DENND4C: variants seen among roughly 807,000 people sequenced by gnomAD.
DENND4C encodes the protein DENN domain-containing protein 4C.
Under a neutral mutation model 203.0 loss-of-function variants are expected in DENND4C, and 108 were observed. That is an observed-to-expected ratio of 0.53 (90% CI 0.46 to 0.62). The LOEUF (loss-of-function observed/expected upper bound fraction) is 0.62. Ranked by LOEUF, DENND4C falls within the 20% of genes least tolerant of loss-of-function variation. The pLI, the probability that DENND4C is intolerant of heterozygous loss-of-function variation, is 0.00. For missense variants in DENND4C, 2,481 were observed against 2,301.2 expected, an observed-to-expected ratio of 1.08 and a Z score of -1.60; for synonymous variants, 871 against 792.4, an observed-to-expected ratio of 1.10 and a Z score of -1.67.
In DENND4C at chr9:19,288,574, A is replaced by C. The variant is rs186983356; in HGVS notation, c.559-22A>C. 340 of 1,225,012 alleles carry C rather than the reference A, an allele frequency of 2.8e-4. No individual in the cohort carries two copies. The African/African-American group carries it at 3.6e-3, about 13-fold the overall frequency. The allele number at this position is 1,225,012 out of a possible 1,614,324, so 75.9% of individuals were successfully genotyped here. A position where few individuals can be genotyped will look rare whatever the true frequency, so the allele number is the denominator to read the frequency against. On this transcript the variant is annotated intron_variant, in intron 3 of 32. Coordinates refer to ENST00000434457, the MANE Select transcript of DENND4C (RefSeq NM_001330640.2). ...CTTTTCACTCTTTTGTCTTTTTTAT[A>C]AACCTAATTCATGTTTTACAGTGGG...
chr9:19,293,897 T>G (rs897293008), intron 5 of DENND4C, among the ~76,000 whole-genome samples: 1 of 152,172 alleles, frequency 6.6e-6, no homozygotes, highest in Non-Finnish European at 1.5e-5. Context: ...TTGAGACCAG[T>G]TAGGGCTTCA....
At position 19,356,880 on chromosome 9, in the gene DENND4C, T is replaced by G; in HGVS notation, c.4782-92T>G. On this transcript the variant is annotated intron_variant, in intron 26 of 32. Coordinates refer to ENST00000434457, the MANE Select transcript of DENND4C (RefSeq NM_001330640.2). ...GATTATATATAATTTTATTAATGACTGCTTTAGCAATAAAATGATTCTAAA... is the reference window on the plus strand; with the variant it reads ...GATTATATATAATTTTATTAATGACGGCTTTAGCAATAAAATGATTCTAAA... 2.5e-6 allele frequency: 3 copies of G among 1,191,972 alleles called. No individual in the cohort carries two copies. The South Asian group carries it at 4.4e-5, about 17-fold the overall frequency. The allele number at this position is 1,191,972 out of a possible 1,614,324, so 73.8% of individuals were successfully genotyped here.
intron 1 of DENND4C, among the ~76,000 whole-genome samples, chr9:19,244,350 C>A (rs138199337): frequency 0.014 from 2,196 of 152,072 alleles, 48 homozygotes; most frequent in African/African-American, 0.05. Flanking sequence ...TTAATTTGTC[C>A]TATCTCTTGT....
intron 9 of DENND4C, among the ~76,000 whole-genome samples, chr9:19,302,141 T>G (rs185569267): frequency 2.8e-4 from 42 of 152,338 alleles, no homozygotes; most frequent in African/African-American, 1.0e-3. Flanking sequence ...GAGAGCTGTC[T>G]GAATTGCATG....
chr9:19,373,446 A>C lies in DENND4C; in HGVS notation c.*1273A>C, dbSNP rs1377624632. On this transcript the variant is annotated 3_prime_UTR_variant, in exon 33 of 33. Transcript: ENST00000434457. ...GGCACATACATTGTTGGTATTGATGACTTTTTAAAACCTGTGGGATAAACT... is the reference window on the plus strand; with the variant it reads ...GGCACATACATTGTTGGTATTGATGCCTTTTTAAAACCTGTGGGATAAACT... 1 of 152,638 alleles carries C rather than the reference A, an allele frequency of 6.6e-6. No homozygotes were observed. The highest frequency in any genetic ancestry group is 1.9e-4 in the East Asian group (1 of 5,200). The allele number at this position is 152,638 out of a possible 1,614,324, so 9.5% of individuals were successfully genotyped here. A position where few individuals can be genotyped will look rare whatever the true frequency, so the allele number is the denominator to read the frequency against.
chr9:19,316,759 G>C lies in DENND4C; in HGVS notation c.1727G>C (p.Gly576Ala), dbSNP rs751074986. 1 of 1,614,052 alleles carries C rather than the reference G, an allele frequency of 6.2e-7. No homozygotes were observed. Among genetic ancestry groups the C allele is most frequent in the South Asian group, 1.1e-5 (1 of 91,084 alleles). ...CGCTTTATGGCGTCTATTTTAAAAG[G>C]ATATAGAACATATCTCAGACCAATC... ...FLRFMASILK[G>A]YRTYLRPITE... The change falls in exon 12 of 33, where the codon GGA becomes GCA. Residue 576 changes from glycine (G) to alanine (A), a missense_variant. Gly to Ala is a moderately conservative substitution (Grantham distance 60, BLOSUM62 0). This residue lies in a region of DENND4C where 2,289 missense variants were observed against 2,113.3 expected (regional missense o/e 1.08). Transcript: ENST00000434457.
In DENND4C at chr9:19,332,195, C is replaced by A. The variant is rs940873298; in HGVS notation, c.2460+11C>A. On this transcript the variant is annotated intron_variant, in intron 17 of 32. Transcript: ENST00000434457. Reference sequence around the variant, plus strand: ...GATCCCTTAGATGAGGCAAGTATAACAAATTGACATTGTTTCTAAGGTAAA... The same window carrying A: ...GATCCCTTAGATGAGGCAAGTATAAAAAATTGACATTGTTTCTAAGGTAAA... 1.2e-6 allele frequency: 2 copies of A among 1,609,570 alleles called. No individual in the cohort carries two copies. The highest frequency in any genetic ancestry group is 3.3e-5 in the Admixed American group (2 of 59,740).
intron 10 of DENND4C, among the ~76,000 whole-genome samples, chr9:19,311,072 AATTT>A (rs1840641512): frequency 6.6e-6 from 1 of 152,220 alleles, no homozygotes; most frequent in East Asian, 1.9e-4. Flanking sequence ...TTATCAAAAA[AATTT>A]ATTTGACTTA....
At chr9:19,317,732 ATAAT>A (rs1842089001) in intron 12 of DENND4C, among the ~76,000 whole-genome samples, 1 of 152,368 alleles carries the variant, frequency 6.6e-6, no homozygotes, top group African/African-American at 2.4e-5. Context: ...TAAATGGAAA[ATAAT>A]TAAGATATTT....
At chr9:19,323,172 C>T (rs1169697734) in intron 12 of DENND4C, among the ~76,000 whole-genome samples, 2 of 152,132 alleles carry the variant, frequency 1.3e-5, no homozygotes, top group South Asian at 2.1e-4. Flanking sequence ...CAGTGGCTCA[C>T]GCCTGTAATC....
Position 19,300,205 on chromosome 9 carries a change from C to A in DENND4C, c.1185C>A (p.Thr395=), listed in dbSNP as rs1449815530. Residue 395 remains threonine, a synonymous_variant, in exon 9 of 33, where the codon ACC becomes ACA. Coordinates refer to ENST00000434457, the MANE Select transcript of DENND4C (RefSeq NM_001330640.2). ...PLPLSGANFS[T]LLMNLGPENC... ...TCCCTAGTGGAGCCAACTTTAGCAC[C>A]TTGCTAATGAATCTGGGTCCTGAGA... The A allele has an allele frequency of 1.9e-6, 3 of 1,607,954 alleles. No individual in the cohort carries two copies. The highest frequency in any genetic ancestry group is 2.6e-6 in the Non-Finnish European group (3 of 1,175,740).
chr9:19,371,747 G>T lies in DENND4C; in HGVS notation c.5676-9G>T. The T allele has an allele frequency of 7.4e-7, 1 of 1,359,044 alleles. No individual in the cohort carries two copies. Among genetic ancestry groups the T allele is most frequent in the Non-Finnish European group, 1.0e-6 (1 of 972,534 alleles). The allele number at this position is 1,359,044 out of a possible 1,614,324, so 84.2% of individuals were successfully genotyped here. On this transcript the variant is annotated splice_polypyrimidine_tract_variant and intron_variant, in intron 31 of 32. Transcript: ENST00000434457. The stretch of plus-strand genomic sequence containing the variant: ...GCCCATTGACTTTTAAAACATATTT[G>T]TTTTATAGGAGTTTATACAGAGAAA...
chr9:19,240,511 C>G (rs1333780833), intron 1 of DENND4C, among the ~76,000 whole-genome samples: 1 of 151,862 alleles, frequency 6.6e-6, no homozygotes, highest in African/African-American at 2.4e-5. Flanking sequence ...ACTAAAAATA[C>G]AAAAATTAGC....
chr9:19,353,482 G>A (rs10964106), intron 26 of DENND4C, among the ~76,000 whole-genome samples: 226 of 152,232 alleles, frequency 1.5e-3, no homozygotes, highest in Non-Finnish European at 2.7e-3. Context: ...CAAAAGATTA[G>A]CCAGGTGTGG....
rs10623955 is a variant in DENND4C, at chr9:19,315,155, C to CAAAA, written c.1488-1248_1488-1245dup. On this transcript the variant is annotated intron_variant, in intron 10 of 32. Transcript: ENST00000434457. ...AGCCTGGACGACAGAGACTCCGTCT[C>CAAAA]AAAAAAAAAAAAAAAAAGAAAAGAA... Among the ~76,000 whole-genome samples the CAAAA allele has an allele frequency of 1.2e-3, 141 of 119,428 alleles. 3 individuals are homozygous for CAAAA. The highest frequency in any genetic ancestry group is 4.1e-3 in the African/African-American group (127 of 30,758). 78.3% of individuals were successfully genotyped at this position (119,428 alleles called of 152,430 possible).
Position 19,346,625 on chromosome 9 carries a change from G to C in DENND4C, c.3856G>C (p.Glu1286Gln), listed in dbSNP as rs1376949525. The change falls in exon 23 of 33, where the codon GAA (glutamate) becomes CAA (glutamine). Residue 1286 changes from glutamate (E) to glutamine (Q), a missense_variant. By Grantham distance (29) the Glu-to-Gln change is conservative. This residue lies in a region of DENND4C where 2,289 missense variants were observed against 2,113.3 expected (regional missense o/e 1.08). Coordinates refer to ENST00000434457, the MANE Select transcript of DENND4C (RefSeq NM_001330640.2). ...VIARNLADEI[E>Q]SYMNLKSPLG... ...TGCACGTAATCTGGCTGATGAAATAGAAAGCTATATGAACCTAAAAAGTCC... is the reference window on the plus strand; with the variant it reads ...TGCACGTAATCTGGCTGATGAAATACAAAGCTATATGAACCTAAAAAGTCC... 1 of 1,613,994 alleles carries C rather than the reference G, an allele frequency of 6.2e-7. No homozygotes were observed. The highest frequency in any genetic ancestry group is 8.5e-7 in the Non-Finnish European group (1 of 1,180,042).
rs548264332 is a variant in DENND4C, at chr9:19,266,248, T to A, written c.-17-9910T>A. ...TTCATGTGTCTGTTGGCTGCATAAA[T>A]ATATCTTCTTTTGAGAGGTATTTGT... On this transcript the variant is annotated intron_variant, in intron 1 of 32. Coordinates refer to ENST00000434457, the MANE Select transcript of DENND4C (RefSeq NM_001330640.2). Among the ~76,000 whole-genome samples the A allele has an allele frequency of 5.3e-5, 8 of 152,284 alleles. No homozygotes were observed. In the South Asian group the frequency reaches 1.7e-3, roughly 32 times the overall value.
intron 9 of DENND4C, among the ~76,000 whole-genome samples, chr9:19,303,708 G>T (rs1385933436): frequency 1.3e-5 from 2 of 152,168 alleles, no homozygotes; most frequent in African/African-American, 4.8e-5. Flanking sequence ...GCTGGCAGGG[G>T]TAGTAAGCGT....
chr9:19,245,198 G>A (rs1351929168), intron 1 of DENND4C, among the ~76,000 whole-genome samples: 4 of 152,106 alleles, frequency 2.6e-5, no homozygotes, highest in Non-Finnish European at 4.4e-5. Context: ...GCCAGGTGCG[G>A]TGGCTCACGC....
Sources: allele counts gnomAD v4.1 joint callset (sites outside exome capture counted in the v4.1 genomes callset), GRCh38; gene constraint gnomAD v4.1.1; regional missense constraint gnomAD v4.1.1; transcripts MANE v1.5; gene names NCBI Gene and HGNC (gene_info 2026-07-23, HGNC 2026-07-21).